Variants in HDAC9 observed in about 807,000 individuals in gnomAD.
HDAC9 encodes MEF-2 interacting transcription repressor (MITR) protein.
In HDAC9, 41 loss-of-function variants were observed where a neutral mutation model predicts 139.4. The ratio of observed to expected loss-of-function variants is 0.29; its 90% CI spans 0.23 to 0.38. The LOEUF (loss-of-function observed/expected upper bound fraction) is 0.38, where lower values mean the gene tolerates loss of function less well. Ranked by LOEUF, HDAC9 falls within the 10% of genes least tolerant of loss-of-function variation. HDAC9 has a pLI of 1.00. For missense variants in HDAC9, 1,147 were observed against 1,297.0 expected (o/e 0.88, Z 1.78); for synonymous variants, 517 against 476.2 (o/e 1.09, Z -1.12).
intron 1 of HDAC9, among the ~76,000 whole-genome samples, chr7:18,141,488 A>G (rs1158050948): frequency 6.6e-6 from 1 of 152,228 alleles, no homozygotes; most frequent in East Asian, 1.9e-4. Flanking sequence ...GTATTCAGAG[A>G]GCAATATTAA....
chr7:18,537,368 T>C (rs182589202), intron 2 of HDAC9, among the ~76,000 whole-genome samples: 3 of 152,244 alleles, frequency 2.0e-5, no homozygotes, highest in African/African-American at 7.2e-5. Context: ...GAGGAGCCAA[T>C]AGACTTGAAA....
chr7:18,667,009 C>G (rs1795049516), intron 12 of HDAC9: 1 of 985,278 alleles, frequency 1.0e-6, no homozygotes, highest in African/African-American at 1.7e-5. Flanking sequence ...TCCTTCCTCT[C>G]TCTTTTTTTA....
rs559251799 is a variant in HDAC9, at chr7:18,815,077, C to T, written c.2323-14084C>T. On this transcript the variant is annotated intron_variant, in intron 17 of 25. Coordinates refer to ENST00000686413, the MANE Select transcript of HDAC9 (RefSeq NM_178425.4). The stretch of plus-strand genomic sequence containing the variant: ...CATTCGTTGGTACAGTCTTTATAGC[C>T]CAGTATAATCTTTGTTCAAGTCATG... Among the ~76,000 whole-genome samples, 47 of 151,964 alleles carry T rather than the reference C, an allele frequency of 3.1e-4. No individual in the cohort carries two copies. In the East Asian group the frequency reaches 9.1e-3, roughly 29 times the overall value.
intron 2 of HDAC9, among the ~76,000 whole-genome samples, chr7:18,525,733 G>C (rs1459715408): frequency 1.3e-5 from 2 of 152,098 alleles, no homozygotes. Context: ...TAGGACTGTT[G>C]CCTGTACAAC....
intron 1 of HDAC9, among the ~76,000 whole-genome samples, chr7:18,451,423 A>G (rs867599526): frequency 7.6e-4 from 102 of 134,302 alleles, no homozygotes; most frequent in African/African-American, 2.3e-3. Flanking sequence ...GTGTGTGTGT[A>G]TATATATGTG....
At chr7:18,781,515 T>C (rs530679209) in intron 16 of HDAC9, among the ~76,000 whole-genome samples, 14 of 152,198 alleles carry the variant, frequency 9.2e-5, no homozygotes, top group African/African-American at 3.1e-4. Flanking sequence ...TCTTACCCAC[T>C]ATGCTGTTCT....
At chr7:18,507,635 G>A (rs1416987008) in intron 2 of HDAC9, among the ~76,000 whole-genome samples, 1 of 152,070 alleles carries the variant, frequency 6.6e-6, no homozygotes, top group African/African-American at 2.4e-5. Context: ...GGGATTACAC[G>A]CATGTGCCAC....
chr7:18,407,252 A>T (rs980228911), intron 1 of HDAC9, among the ~76,000 whole-genome samples: 6 of 152,170 alleles, frequency 3.9e-5, no homozygotes, highest in African/African-American at 1.4e-4. Flanking sequence ...ATATCTAGAA[A>T]AACTCCTGAA....
At chr7:18,642,857 A>T (rs1386786632) in intron 8 of HDAC9, among the ~76,000 whole-genome samples, 1 of 151,310 alleles carries the variant, frequency 6.6e-6, no homozygotes, top group Non-Finnish European at 1.5e-5. Flanking sequence ...AACAAAGAAA[A>T]CTCTTTTGTG....
Position 18,400,727 on chromosome 7 carries a change from G to A in HDAC9, c.-41-95535G>A, listed in dbSNP as rs73682171. 5.9e-3 allele frequency among the ~76,000 whole-genome samples: 897 copies of A among 152,276 alleles called. 9 individuals carry two copies. Among genetic ancestry groups the A allele is most frequent in the African/African-American group, 0.021 (852 of 41,558 alleles). On this transcript the variant is annotated intron_variant, in intron 1 of 3. Coordinates refer to the HDAC9 transcript ENST00000413509. ...AGATGAATTAGGACTCTACTGGATA[G>A]GAGAGGCAGAGGAACAAGAAAGTAG...
At chr7:18,642,525 C>T (rs1313061312) in intron 8 of HDAC9, among the ~76,000 whole-genome samples, 1 of 152,082 alleles carries the variant, frequency 6.6e-6, no homozygotes, top group African/African-American at 2.4e-5. Context: ...TCATCGACAG[C>T]ATGAGCATAA....
intron 2 of HDAC9, among the ~76,000 whole-genome samples, chr7:18,233,548 A>G (rs1398161813): frequency 6.6e-6 from 1 of 152,120 alleles, no homozygotes; most frequent in Non-Finnish European, 1.5e-5. Flanking sequence ...ACCAAGAACA[A>G]ATTGTTCATG....
At chr7:18,725,387 TA>T (rs1785464420) in intron 12 of HDAC9, among the ~76,000 whole-genome samples, 1 of 152,134 alleles carries the variant, frequency 6.6e-6, no homozygotes, top group Non-Finnish European at 1.5e-5. Flanking sequence ...TAGAAAAGAA[TA>T]AATGATCTAA....
At chr7:18,238,221 G>A (rs904223206) in intron 2 of HDAC9, among the ~76,000 whole-genome samples, 1 of 152,190 alleles carries the variant, frequency 6.6e-6, no homozygotes, top group African/African-American at 2.4e-5. Flanking sequence ...GATTTCTACA[G>A]CATTTATAAT....
intron 17 of HDAC9, among the ~76,000 whole-genome samples, chr7:18,802,499 T>C (rs1310639232): frequency 6.6e-6 from 1 of 151,946 alleles, no homozygotes; most frequent in Non-Finnish European, 1.5e-5. Context: ...GAGTGTAATA[T>C]TTTATATGTC....
intron 22 of HDAC9, among the ~76,000 whole-genome samples, chr7:18,889,928 C>T (rs1325102901): frequency 1.3e-5 from 2 of 152,152 alleles, no homozygotes; most frequent in Non-Finnish European, 2.9e-5. Context: ...TGGTCTTGAA[C>T]TCCTGTGCTC....
chr7:18,468,860 C>G (rs1288302831), intron 1 of HDAC9, among the ~76,000 whole-genome samples: 1 of 152,180 alleles, frequency 6.6e-6, no homozygotes, highest in Non-Finnish European at 1.5e-5. Context: ...TCTGAGCCTC[C>G]AGACTGTGGT....
chr7:18,099,151 A>G (rs1272716092), intron 1 of HDAC9, among the ~76,000 whole-genome samples: 1 of 152,172 alleles, frequency 6.6e-6, no homozygotes, highest in Non-Finnish European at 1.5e-5. Context: ...ATAATGAAAC[A>G]GTAGTTTGCT....
At chr7:18,816,373 T>C (rs1008540722) in intron 17 of HDAC9, among the ~76,000 whole-genome samples, 1 of 152,224 alleles carries the variant, frequency 6.6e-6, no homozygotes. Flanking sequence ...AGAGGAAGAC[T>C]TTAGAACACA....
Sources: gnomAD v4.1 joint callset for allele counts (sites outside exome capture counted in the v4.1 genomes callset) on GRCh38, gnomAD v4.1.1 for gene constraint, MANE v1.5 for transcripts, NCBI Gene and HGNC (gene_info 2026-07-23, HGNC 2026-07-21) for gene names.